The following LRRC4C variants were observed in gnomAD, a reference collection of about 807,000 sequenced individuals.
The protein encoded by LRRC4C is leucine rich repeat containing 4C, also known as leucine-rich repeat-containing protein 4C.
A neutral mutation model predicts 33.6 loss-of-function variants in LRRC4C; 5 were observed. The observed-to-expected ratio is 0.15, with a 90% confidence interval of 0.08 to 0.31. The LOEUF is 0.31. Among genes scored for constraint, LRRC4C ranks in the 10% least tolerant of loss-of-function variants. The pLI is 1.00. For synonymous variants in LRRC4C, 329 were observed against 302.0 expected (o/e 1.09, Z -0.93); for missense variants, 560 against 796.7 (o/e 0.70, Z 3.58).
intron 2 of LRRC4C, among the ~76,000 whole-genome samples, chr11:40,686,998 C>G (rs1430521008): frequency 1.3e-5 from 2 of 152,076 alleles, no homozygotes; most frequent in African/African-American, 2.4e-5. Flanking sequence ...CTTGCACTTT[C>G]GTTAGCTAAC....
In LRRC4C at chr11:41,411,142, A is replaced by ATTTTTTTTTTTTTTTTTTT. The variant is rs370574515; in HGVS notation, c.-496+48270_-496+48288dup. Among the ~76,000 whole-genome samples the ATTTTTTTTTTTTTTTTTTT allele has an allele frequency of 1.8e-3, 103 of 57,200 alleles. 16 individuals carry two copies. The highest frequency in any genetic ancestry group is 7.7e-3 in the Middle Eastern group (1 of 130). 37.5% of individuals were successfully genotyped at this position (57,200 alleles called of 152,430 possible). A position where few individuals can be genotyped will look rare whatever the true frequency, so the allele number is the denominator to read the frequency against. Reference sequence around the variant, plus strand: ...ATGAGAAACACTTGGTTGGTACCCTATTTTTTTTTTTTTTTTTTTTTTTTG... The same window carrying ATTTTTTTTTTTTTTTTTTT: ...ATGAGAAACACTTGGTTGGTACCCTATTTTTTTTTTTTTTTTTTTTTTTTTTTTTTTTTTTTTTTTTTTG... On this transcript the variant is annotated intron_variant, in intron 1 of 6. Transcript: ENST00000528697.
At chr11:40,542,052 CTCTTTCTT>C (rs77820700) in intron 3 of LRRC4C, among the ~76,000 whole-genome samples, 2 of 149,260 alleles carry the variant, frequency 1.3e-5, no homozygotes, top group African/African-American at 4.9e-5. Context: ...TTCTCTTTCT[CTCTTTCTT>C]TCTTTCTCTC....
chr11:41,384,133 C>T (rs529133113), intron 1 of LRRC4C, among the ~76,000 whole-genome samples: 24 of 151,926 alleles, frequency 1.6e-4, no homozygotes, highest in African/African-American at 5.3e-4. Context: ...AGAACCGTAA[C>T]CTATTTTGCA....
intron 1 of LRRC4C, among the ~76,000 whole-genome samples, chr11:41,000,514 G>C (rs1324291405): frequency 6.6e-6 from 1 of 152,098 alleles, no homozygotes; most frequent in African/African-American, 2.4e-5. Flanking sequence ...TTATTAATTA[G>C]TTACCTCTAC....
At chr11:41,205,616 C>T (rs1424588082) in intron 1 of LRRC4C, among the ~76,000 whole-genome samples, 1 of 152,134 alleles carries the variant, frequency 6.6e-6, no homozygotes, top group African/African-American at 2.4e-5. Flanking sequence ...AGTAGACTCT[C>T]AGACTACTGC....
In LRRC4C at chr11:40,325,845, A is replaced by G. The variant is rs186441124; in HGVS notation, c.-269-6124T>C. On this transcript the variant is annotated intron_variant, in intron 3 of 6. Transcript: ENST00000528697. Reference sequence around the variant, plus strand: ...TTATTGGTGAAATTAATGGTGTTCAACATATATGGATTGACAAAGATATAT... The same window carrying G: ...TTATTGGTGAAATTAATGGTGTTCAGCATATATGGATTGACAAAGATATAT... 1.3e-3 allele frequency among the ~76,000 whole-genome samples: 195 copies of G among 152,266 alleles called. 1 individual carries two copies. Among genetic ancestry groups the G allele is most frequent in the African/African-American group, 4.4e-3 (182 of 41,550 alleles).
At chr11:40,666,314 G>T (rs1311871082) in intron 2 of LRRC4C, among the ~76,000 whole-genome samples, 1 of 151,934 alleles carries the variant, frequency 6.6e-6, no homozygotes, top group Non-Finnish European at 1.5e-5. Flanking sequence ...ATAGAGGGAA[G>T]GTATAAAATA....
At chr11:40,699,716 C>T (rs1565649197) in intron 2 of LRRC4C, among the ~76,000 whole-genome samples, 1 of 152,178 alleles carries the variant, frequency 6.6e-6, no homozygotes, top group Non-Finnish European at 1.5e-5. Flanking sequence ...TTTCTATTTA[C>T]ATACACGTTT....
intron 1 of LRRC4C, among the ~76,000 whole-genome samples, chr11:41,211,365 A>T (rs1946813551): frequency 6.6e-6 from 1 of 152,062 alleles, no homozygotes; most frequent in African/African-American, 2.4e-5. Context: ...GTTCTAGGGT[A>T]CATGTGCACA....
intron 5 of LRRC4C, among the ~76,000 whole-genome samples, chr11:40,182,812 A>G (rs1011032395): frequency 2.6e-5 from 4 of 152,152 alleles, no homozygotes; most frequent in Admixed American, 2.6e-4. Context: ...GTTTCCTCCA[A>G]TTGTATTTGT....
chr11:40,376,274 ATAG>A (rs1284876965), intron 3 of LRRC4C, among the ~76,000 whole-genome samples: 3 of 152,188 alleles, frequency 2.0e-5, no homozygotes, highest in African/African-American at 7.2e-5. Context: ...AAATGGAGCT[ATAG>A]TTAACAACCT....
At chr11:40,880,801 C>T (rs1034521690) in intron 2 of LRRC4C, among the ~76,000 whole-genome samples, 11 of 150,798 alleles carry the variant, frequency 7.3e-5, no homozygotes, top group East Asian at 3.9e-4. Flanking sequence ...TCCCTGCCTA[C>T]ATTTACAATT....
At chr11:40,401,018 G>C (rs1031927393) in intron 3 of LRRC4C, among the ~76,000 whole-genome samples, 1 of 152,016 alleles carries the variant, frequency 6.6e-6, no homozygotes, top group Non-Finnish European at 1.5e-5. Flanking sequence ...GTAAATGCTC[G>C]ATAAATATTT....
intron 3 of LRRC4C, among the ~76,000 whole-genome samples, chr11:40,557,029 A>C (rs180740048): frequency 1.0e-3 from 156 of 152,204 alleles, no homozygotes; most frequent in Non-Finnish European, 1.9e-3. Context: ...AGCAAGACCA[A>C]TCAAAAAAAA....
intron 2 of LRRC4C, among the ~76,000 whole-genome samples, chr11:40,831,869 C>G (rs1289330853): frequency 6.6e-6 from 1 of 152,072 alleles, no homozygotes; most frequent in Non-Finnish European, 1.5e-5. Flanking sequence ...GGGTCCCTCC[C>G]ATGACACATG....
At chr11:40,354,084 T>G (rs1263978247) in intron 3 of LRRC4C, among the ~76,000 whole-genome samples, 1 of 152,228 alleles carries the variant, frequency 6.6e-6, no homozygotes, top group Non-Finnish European at 1.5e-5. Flanking sequence ...ACATCCTAAA[T>G]CCAGTAATTC....
At chr11:41,398,950 C>A (rs1953925189) in intron 1 of LRRC4C, among the ~76,000 whole-genome samples, 2 of 151,892 alleles carry the variant, frequency 1.3e-5, no homozygotes, top group Admixed American at 1.3e-4. Context: ...TAATGACTAC[C>A]ATCAAACATA....
intron 3 of LRRC4C, among the ~76,000 whole-genome samples, chr11:40,613,105 C>G (rs1254524295): frequency 3.3e-5 from 5 of 151,756 alleles, no homozygotes; most frequent in African/African-American, 1.2e-4. Flanking sequence ...ATTGTGGTGG[C>G]TGAAGGTTGG....
At chr11:40,614,360 A>G (rs568998681) in intron 3 of LRRC4C, among the ~76,000 whole-genome samples, 1 of 151,922 alleles carries the variant, frequency 6.6e-6, no homozygotes, top group East Asian at 1.9e-4. Context: ...AAAGCTCATG[A>G]ACCCACCTCT....
Sources: allele counts gnomAD v4.1 joint callset (sites outside exome capture counted in the v4.1 genomes callset), GRCh38; gene constraint gnomAD v4.1.1; transcripts MANE v1.5; gene names NCBI Gene and HGNC (gene_info 2026-07-23, HGNC 2026-07-21).